The following C10orf143 variants were observed in gnomAD, a reference collection of about 807,000 sequenced individuals.
C10orf143 encodes the protein uncharacterized protein C10orf143.
intron 1 of C10orf143, chr10:130,107,300 A>G (rs763062841): frequency 3.6e-6 from 4 of 1,109,770 alleles, no homozygotes; most frequent in Non-Finnish European, 5.6e-6. Context: ...AGACAAAAAG[A>G]TCAGCCATGC....
intron 1 of C10orf143, among the ~76,000 whole-genome samples, chr10:130,091,084 C>T (rs1861374364): frequency 6.6e-6 from 1 of 152,198 alleles, no homozygotes; most frequent in Non-Finnish European, 1.5e-5. Flanking sequence ...GGACAGACTG[C>T]CTCCTCAAGT....
At chr10:130,047,964 T>C (rs1860695974) in intron 3 of C10orf143, among the ~76,000 whole-genome samples, 1 of 152,198 alleles carries the variant, frequency 6.6e-6, no homozygotes, top group African/African-American at 2.4e-5. Flanking sequence ...AATCGAGTGC[T>C]CCAGTCTGGC....
intron 3 of C10orf143, among the ~76,000 whole-genome samples, chr10:130,044,465 T>A (rs1426087222): frequency 6.6e-6 from 1 of 152,160 alleles, no homozygotes; most frequent in Admixed American, 6.5e-5. Context: ...CCAGGTAGGC[T>A]CTGCTCCAGC....
At chr10:130,067,652 T>A (rs1218685764) in intron 3 of C10orf143, 1 of 152,204 alleles carries the variant, frequency 6.6e-6, no homozygotes, top group Non-Finnish European at 1.5e-5. Context: ...CTCAAGAGAA[T>A]TCTACAAAGG....
intron 3 of C10orf143, chr10:130,067,258 C>T (rs1860952353): frequency 6.6e-6 from 1 of 152,274 alleles, no homozygotes; most frequent in Non-Finnish European, 1.5e-5. Context: ...TCGCTGGGCT[C>T]TCCATGACCT....
rs191520861 is a variant in C10orf143, at chr10:130,094,176, G to A, written c.70-14275C>T. ...ATATACCCTCCCGAAACTAAACCAG[G>A]AAGAAGTCAAATCCCTGAATAGACC... On this transcript the variant is annotated intron_variant, in intron 1 of 3. Transcript: ENST00000637128. 6.3e-3 allele frequency among the ~76,000 whole-genome samples: 962 copies of A among 152,122 alleles called. 10 individuals carry two copies. The highest frequency in any genetic ancestry group is 0.022 in the African/African-American group (907 of 41,498).
intron 1 of C10orf143, among the ~76,000 whole-genome samples, chr10:130,101,849 CAAAAAAAAAAAAAACCAAAA>C (rs1482246941): frequency 0.047 from 1,267 of 26,924 alleles, 35 homozygotes; most frequent in African/African-American, 0.083. Context: ...GACTCTGTCT[CAAAAAAAAAAAAAACCAAAA>C]AAAAAAAAAA....
chr10:130,051,091 A>G (rs1177750370), intron 3 of C10orf143, among the ~76,000 whole-genome samples: 1 of 152,160 alleles, frequency 6.6e-6, no homozygotes, highest in Non-Finnish European at 1.5e-5. Context: ...AAAAAATGGA[A>G]AACTACAATA....
chr10:130,065,775 T>A lies in C10orf143; in HGVS notation c.298-1392A>T, dbSNP rs1225288019. ...GGAAAGTATGTAGCATTTCCTGAAC[T>A]TCTCTGGACAAGAACCTGTTCTGTT... On this transcript the variant is annotated intron_variant, in intron 3 of 3. Transcript: ENST00000637128. This position sits in a 1 kb window ranked among gnomAD's most constrained non-coding sequence, Gnocchi z 4.2. 6.6e-6 allele frequency: 1 copy of A among 152,198 alleles called. No individual in the cohort carries two copies. The allele number at this position is 152,198 out of a possible 1,614,324, so 9.4% of individuals were successfully genotyped here.
rs986086853 is a variant in C10orf143, at chr10:130,110,814, C to T, written c.-42G>A. On this transcript the variant is annotated 5_prime_UTR_variant, in exon 1 of 4. Transcript: ENST00000637128. Reference sequence around the variant, plus strand: ...ACCCTCCCGGCATCTCAGGCCTGGCCGAGGCCCGCGCACCACGCCCCCTTC... The same window carrying T: ...ACCCTCCCGGCATCTCAGGCCTGGCTGAGGCCCGCGCACCACGCCCCCTTC... 1.3e-5 allele frequency: 5 copies of T among 398,744 alleles called. No individual in the cohort carries two copies. The East Asian group carries it at 1.8e-4, about 14-fold the overall frequency. The allele number at this position is 398,744 out of a possible 1,614,324, so 24.7% of individuals were successfully genotyped here.
Position 130,055,952 on chromosome 10 carries a change from TAAAAAAAAAAAAAAA to T in C10orf143, c.298-19997_298-19983del, listed in dbSNP as rs369284797. 9.1e-3 allele frequency among the ~76,000 whole-genome samples: 599 copies of T among 65,906 alleles called. 11 individuals are homozygous for T. The highest frequency in any genetic ancestry group is 0.032 in the African/African-American group (569 of 17,514). 43.2% of individuals were successfully genotyped at this position (65,906 alleles called of 152,430 possible). ...CAGAGCAAGACTCCGTCTCCAAAAG[TAAAAAAAAAAAAAAA>T]AAAAAAAAAAAAGAAAGAAAAGAAA... is the stretch of plus-strand genomic sequence containing the variant. On this transcript the variant is annotated intron_variant and NMD_transcript_variant, in intron 3 of 5. Coordinates refer to the C10orf143 transcript ENST00000643056.
rs954006942 is a variant in C10orf143 at position 130,090,332 on chromosome 10, C to G, written c.70-10431G>C. ...AGGGGTCACGGAACTCCCTCCCCAG[C>G]CAAGGGAAGCCGTGAGGGAGTGTGC... is the stretch of plus-strand genomic sequence containing the variant. On this transcript the variant is annotated intron_variant, in intron 1 of 3. Coordinates refer to ENST00000637128, the MANE Select transcript of C10orf143 (RefSeq NM_001355042.2). 2.6e-5 allele frequency among the ~76,000 whole-genome samples: 4 copies of G among 152,120 alleles called. No homozygotes were observed. In the South Asian group the frequency reaches 6.2e-4, roughly 24 times the overall value.
intron 1 of C10orf143, among the ~76,000 whole-genome samples, chr10:130,081,209 A>G (rs1302139384): frequency 6.6e-6 from 1 of 152,252 alleles, no homozygotes; most frequent in Non-Finnish European, 1.5e-5. Flanking sequence ...ACATAAGCCC[A>G]AAGTGTTAAA....
chr10:130,058,711 A>G lies in C10orf143; in HGVS notation c.297+20855T>C, dbSNP rs145710689. Among the ~76,000 whole-genome samples, 12 of 152,252 alleles carry G rather than the reference A, an allele frequency of 7.9e-5. No homozygotes were observed. In the East Asian group the frequency reaches 1.5e-3, roughly 20 times the overall value. ...CTAACGAAACAGGAAAGTGTTTATC[A>G]GAGCAAAATGTACCACGTGTCTGTG... On this transcript the variant is annotated intron_variant and NMD_transcript_variant, in intron 3 of 5. Transcript: ENST00000643056.
chr10:130,073,876 A>T (rs1349807699), intron 3 of C10orf143, among the ~76,000 whole-genome samples: 1 of 152,192 alleles, frequency 6.6e-6, no homozygotes, highest in Non-Finnish European at 1.5e-5. Context: ...GCTAAATCTG[A>T]AGATTTTGTC....
At chr10:130,053,281 G>C (rs1432903879) in intron 3 of C10orf143, among the ~76,000 whole-genome samples, 1 of 152,148 alleles carries the variant, frequency 6.6e-6, no homozygotes, top group South Asian at 2.1e-4. Flanking sequence ...GGATGGTCTC[G>C]ATCTCCTGAT....
intron 3 of C10orf143, among the ~76,000 whole-genome samples, chr10:130,038,702 T>C (rs529720703): frequency 5.3e-5 from 8 of 152,300 alleles, no homozygotes; most frequent in South Asian, 2.1e-4. Context: ...GGGCCATCCT[T>C]GGCCTTAGCC....
chr10:130,104,717 T>G (rs1453556035), intron 1 of C10orf143: 1 of 152,188 alleles, frequency 6.6e-6, no homozygotes, highest in Non-Finnish European at 1.5e-5. Flanking sequence ...TTGGTAACAG[T>G]CAAGAAGTAT....
Position 130,077,202 on chromosome 10 carries a change from G to T in C10orf143, c.297+2364C>A, listed in dbSNP as rs144073410. On this transcript the variant is annotated intron_variant, in intron 3 of 3. Transcript: ENST00000637128. ...CCGAAATGCAAACTTGGAAAATGAG[G>T]TTGAAGAGGTCTACCGAGGAAGTCC... is the stretch of plus-strand genomic sequence containing the variant. Among the ~76,000 whole-genome samples the T allele has an allele frequency of 5.1e-4, 77 of 152,194 alleles. 1 individual carries two copies. The East Asian group carries it at 0.014, about 28-fold the overall frequency.
Sources: gnomAD v4.1 joint callset for allele counts (sites outside exome capture counted in the v4.1 genomes callset) on GRCh38, gnomAD v4.1.1 for gene constraint, Gnocchi (gnomAD v3.1) non-coding constraint, MANE v1.5 for transcripts, NCBI Gene and HGNC (gene_info 2026-07-23, HGNC 2026-07-21) for gene names.